SIL1: variants seen among roughly 807,000 people sequenced by gnomAD.
SIL1 encodes SIL1 nucleotide exchange factor.
In SIL1, 40 loss-of-function variants were observed where a neutral mutation model predicts 49.1. The ratio of observed to expected loss-of-function variants is 0.81; its 90% CI spans 0.63 to 1.06. The LOEUF is 1.06. SIL1 is among the 50% of genes least tolerant of loss of function. The pLI is 0.00. For missense variants in SIL1, 500 were observed against 572.6 expected (o/e 0.87, Z 1.29); for synonymous variants, 253 against 250.8 (o/e 1.01, Z -0.08).
intron 1 of SIL1, among the ~76,000 whole-genome samples, chr5:139,157,000 C>A (rs1417274486): frequency 6.6e-6 from 1 of 152,186 alleles, no homozygotes; most frequent in Non-Finnish European, 1.5e-5. Context: ...CTATACACAG[C>A]CTCCCCAAGC....
intron 1 of SIL1, among the ~76,000 whole-genome samples, chr5:139,138,381 G>A (rs1278108290): frequency 6.6e-6 from 1 of 152,196 alleles, no homozygotes. Flanking sequence ...CTTTCCAGTA[G>A]GTCCTAGACT....
intron 1 of SIL1, among the ~76,000 whole-genome samples, chr5:139,174,990 G>A (rs1243370657): frequency 6.9e-6 from 1 of 144,804 alleles, no homozygotes; most frequent in Non-Finnish European, 1.5e-5. Flanking sequence ...TGAAAGTGGA[G>A]ATATTACCAC....
chr5:138,968,128 G>A (rs1767187807), intron 7 of SIL1, among the ~76,000 whole-genome samples: 1 of 152,146 alleles, frequency 6.6e-6, no homozygotes, highest in South Asian at 2.1e-4. Context: ...GGCTGGAGGT[G>A]GGGCAGGTGA....
chr5:138,955,205 G>A (rs1006372924), intron 7 of SIL1, among the ~76,000 whole-genome samples: 1 of 152,240 alleles, frequency 6.6e-6, no homozygotes, highest in Non-Finnish European at 1.5e-5. Flanking sequence ...TGGCGCTGGT[G>A]TGCTCAAAGT....
At chr5:139,137,566 C>T (rs944839817) in intron 1 of SIL1, 1 of 439,964 alleles carries the variant, frequency 2.3e-6, no homozygotes, top group Non-Finnish European at 4.0e-6. Context: ...TTTTAGGGTA[C>T]ATGTGCACAA....
chr5:139,052,871 G>A (rs1422148513), intron 3 of SIL1, among the ~76,000 whole-genome samples: 1 of 152,130 alleles, frequency 6.6e-6, no homozygotes, highest in African/African-American at 2.4e-5. Context: ...GGAGAGACTA[G>A]GCCACAGAAC....
At chr5:139,079,723 A>C (rs1770032410) in intron 3 of SIL1, among the ~76,000 whole-genome samples, 1 of 152,232 alleles carries the variant, frequency 6.6e-6, no homozygotes, top group Non-Finnish European at 1.5e-5. Flanking sequence ...ATGTCTTATA[A>C]GACTAACTAA....
chr5:139,166,664 G>A lies in SIL1; in HGVS notation c.-11+31605C>T, dbSNP rs145096220. On this transcript the variant is annotated intron_variant, in intron 1 of 9. Transcript: ENST00000394817. ...GAGTGACTTTTTTTCTTTTTCCTGA[G>A]ACAGGATCTCATTCCCATAGCCCAG... Among the ~76,000 whole-genome samples the A allele has an allele frequency of 3.1e-3, 470 of 152,242 alleles. 1 individual carries two copies. Among genetic ancestry groups the A allele is most frequent in the African/African-American group, 0.011 (445 of 41,548 alleles).
chr5:139,080,751 C>T (rs555091744), intron 3 of SIL1, among the ~76,000 whole-genome samples: 1 of 152,302 alleles, frequency 6.6e-6, no homozygotes, highest in Non-Finnish European at 1.5e-5. Flanking sequence ...AGACAACTGA[C>T]TGCTGAGAAC....
chr5:139,081,891 C>CA (rs1183823273), intron 3 of SIL1, among the ~76,000 whole-genome samples: 77 of 148,728 alleles, frequency 5.2e-4, no homozygotes, highest in African/African-American at 9.6e-4. Flanking sequence ...AAAAAAAAAA[C>CA]AAAAAAAACA....
intron 1 of SIL1, among the ~76,000 whole-genome samples, chr5:139,189,060 A>G (rs1223653146): frequency 6.6e-6 from 1 of 152,236 alleles, no homozygotes; most frequent in East Asian, 1.9e-4. Context: ...TGGTTAAGAT[A>G]AAACTTGCTT....
At chr5:139,051,874 A>G (rs1040894524) in intron 3 of SIL1, among the ~76,000 whole-genome samples, 2 of 152,246 alleles carry the variant, frequency 1.3e-5, no homozygotes, top group Admixed American at 6.5e-5. Flanking sequence ...CATACTACAA[A>G]TGGAATGCTA....
At chr5:139,019,991 C>G (rs182643347) in intron 7 of SIL1, among the ~76,000 whole-genome samples, 2 of 152,182 alleles carry the variant, frequency 1.3e-5, no homozygotes, top group African/African-American at 4.8e-5. Context: ...CAGATACTAA[C>G]GTCAAACATG....
intron 3 of SIL1, among the ~76,000 whole-genome samples, chr5:139,061,411 T>C (rs11950819): frequency 0.44 from 66,510 of 152,134 alleles, 15,833 homozygotes; most frequent in African/African-American, 0.64. Flanking sequence ...GGAAACTTCC[T>C]GCTCCAGGGA....
chr5:139,140,515 T>C (rs1395357208), intron 1 of SIL1, among the ~76,000 whole-genome samples: 3 of 152,194 alleles, frequency 2.0e-5, no homozygotes, highest in Non-Finnish European at 1.5e-5. Flanking sequence ...CCCAAGACTA[T>C]TTATAATACC....
chr5:138,980,794 G>A (rs537565591), intron 7 of SIL1, among the ~76,000 whole-genome samples: 1 of 152,286 alleles, frequency 6.6e-6, no homozygotes, highest in East Asian at 1.9e-4. Context: ...TAAAAATACT[G>A]TGCTTGACCC....
chr5:138,967,893 G>A (rs1767179132), intron 7 of SIL1, among the ~76,000 whole-genome samples: 1 of 152,104 alleles, frequency 6.6e-6, no homozygotes, highest in African/African-American at 2.4e-5. Context: ...GGAGAAACTT[G>A]TGGAAAGTCA....
chr5:139,116,303 T>A (rs576605247), intron 3 of SIL1, among the ~76,000 whole-genome samples: 34 of 152,348 alleles, frequency 2.2e-4, no homozygotes, highest in African/African-American at 8.2e-4. Flanking sequence ...TGATTTGGAA[T>A]TTTTTTCTTT....
At chr5:139,097,591 C>A (rs947061990) in intron 3 of SIL1, among the ~76,000 whole-genome samples, 2 of 151,788 alleles carry the variant, frequency 1.3e-5, no homozygotes, top group African/African-American at 4.8e-5. Context: ...AATTCTCCTG[C>A]CTCAGCCTCC....
Sources: gnomAD v4.1 joint callset for allele counts (sites outside exome capture counted in the v4.1 genomes callset) on GRCh38, gnomAD v4.1.1 for gene constraint, MANE v1.5 for transcripts, NCBI Gene and HGNC (gene_info 2026-07-23, HGNC 2026-07-21) for gene names.